Variants in SLIT3 observed in about 807,000 individuals in gnomAD.
The protein encoded by SLIT3 is slit guidance ligand 3.
SLIT3 carries 68 observed loss-of-function variants against 184.0 expected under a neutral mutation model. The observed-to-expected ratio is 0.37, with a 90% CI of 0.30 to 0.45. The LOEUF (loss-of-function observed/expected upper bound fraction) is 0.45. Ranked by LOEUF, SLIT3 falls within the 20% of genes least tolerant of loss-of-function variation. SLIT3 has a pLI of 1.00. For missense variants in SLIT3, 1,707 were observed against 2,026.0 expected (o/e 0.84, Z 3.02); for synonymous variants, 831 against 828.6 (o/e 1.00, Z -0.05).
chr5:169,291,918 C>T (rs1286654255), intron 1 of SLIT3, among the ~76,000 whole-genome samples: 1 of 152,184 alleles, frequency 6.6e-6, no homozygotes, highest in African/African-American at 2.4e-5. Flanking sequence ...ACAGTCCTGC[C>T]TACTTCACAT....
intron 4 of SLIT3, among the ~76,000 whole-genome samples, chr5:168,960,619 T>C (rs1400281031): frequency 6.6e-6 from 1 of 152,202 alleles, no homozygotes; most frequent in Non-Finnish European, 1.5e-5. Flanking sequence ...TTCTTATTAG[T>C]GTGAGTCCAA....
intron 29 of SLIT3, among the ~76,000 whole-genome samples, chr5:168,687,583 T>G (rs1271010450): frequency 6.6e-6 from 1 of 152,216 alleles, no homozygotes; most frequent in Non-Finnish European, 1.5e-5. Flanking sequence ...CGAGTGATAA[T>G]ACTTAGTTTA....
At chr5:168,813,231 C>T (rs1757221901) in intron 8 of SLIT3, among the ~76,000 whole-genome samples, 1 of 151,748 alleles carries the variant, frequency 6.6e-6, no homozygotes, top group Admixed American at 6.6e-5. Flanking sequence ...AGAAACCCTT[C>T]CAGATTAAGG....
chr5:168,702,675 CGATGATGATGATGAT>C (rs10596363), intron 26 of SLIT3, among the ~76,000 whole-genome samples: 20 of 149,496 alleles, frequency 1.3e-4, no homozygotes, highest in African/African-American at 4.2e-4. Flanking sequence ...TAAATAATAG[CGATGATGATGATGAT>C]GATGATGATG....
chr5:168,838,417 C>A (rs1006194814), intron 6 of SLIT3, among the ~76,000 whole-genome samples: 10 of 152,106 alleles, frequency 6.6e-5, no homozygotes, highest in Non-Finnish European at 1.3e-4. Flanking sequence ...GAAGTAGACT[C>A]TCAAAAATAG....
intron 4 of SLIT3, among the ~76,000 whole-genome samples, chr5:169,052,312 G>T (rs999168849): frequency 6.6e-6 from 1 of 152,192 alleles, no homozygotes; most frequent in Non-Finnish European, 1.5e-5. Flanking sequence ...AGGACGGCCT[G>T]TGAAAGTACT....
At chr5:168,801,824 G>A (rs1756776098) in intron 9 of SLIT3, among the ~76,000 whole-genome samples, 1 of 152,162 alleles carries the variant, frequency 6.6e-6, no homozygotes, top group African/African-American at 2.4e-5. Context: ...TGGGTTCTCT[G>A]GAAGAAAACT....
intron 4 of SLIT3, among the ~76,000 whole-genome samples, chr5:168,927,739 C>T (rs910330135): frequency 2.0e-5 from 3 of 152,226 alleles, no homozygotes; most frequent in African/African-American, 7.2e-5. Context: ...TGTAGCTTGT[C>T]AAAACTCACA....
At chr5:169,168,094 C>T (rs774774442) in intron 4 of SLIT3, among the ~76,000 whole-genome samples, 8 of 152,270 alleles carry the variant, frequency 5.3e-5, no homozygotes, top group African/African-American at 9.6e-5. Context: ...GAGCTCCTCC[C>T]CATCTCTTCA....
chr5:168,838,796 G>A (rs1331491618), intron 6 of SLIT3, among the ~76,000 whole-genome samples: 6 of 152,180 alleles, frequency 3.9e-5, no homozygotes, highest in South Asian at 4.2e-4. Context: ...GTGGGGTTCC[G>A]CATCAGGCCA....
intron 4 of SLIT3, among the ~76,000 whole-genome samples, chr5:169,031,861 T>C (rs1397583703): frequency 1.3e-5 from 2 of 152,154 alleles, no homozygotes; most frequent in Non-Finnish European, 2.9e-5. Flanking sequence ...TGGGAGGAGA[T>C]GATTAGGTGG....
intron 3 of SLIT3, among the ~76,000 whole-genome samples, chr5:169,206,369 T>A (rs1215486877): frequency 6.6e-6 from 1 of 152,200 alleles, no homozygotes; most frequent in African/African-American, 2.4e-5. Flanking sequence ...CACCACAGAT[T>A]CTCCATGTTC....
At chr5:169,231,757 C>G (rs1765011309) in intron 3 of SLIT3, among the ~76,000 whole-genome samples, 1 of 152,106 alleles carries the variant, frequency 6.6e-6, no homozygotes, top group Non-Finnish European at 1.5e-5. Flanking sequence ...TGCCCATATT[C>G]GAGAGTAACT....
chr5:169,262,605 A>G (rs1271037082), intron 1 of SLIT3, among the ~76,000 whole-genome samples: 1 of 152,186 alleles, frequency 6.6e-6, no homozygotes, highest in Non-Finnish European at 1.5e-5. Context: ...GAAACCACCA[A>G]TTTAAGAGCC....
At chr5:168,759,808 C>G (rs1755078008) in intron 16 of SLIT3, among the ~76,000 whole-genome samples, 1 of 152,168 alleles carries the variant, frequency 6.6e-6, no homozygotes, top group Admixed American at 6.5e-5. Flanking sequence ...ATCCATGAAT[C>G]ATGAGGATGG....
intron 1 of SLIT3, among the ~76,000 whole-genome samples, chr5:169,281,328 T>C (rs1429173453): frequency 6.6e-6 from 1 of 152,018 alleles, no homozygotes; most frequent in East Asian, 1.9e-4. Context: ...AATACAAAAT[T>C]AGCTGGGCGT....
chr5:168,789,639 C>T lies in SLIT3; in HGVS notation c.1008-8G>A, dbSNP rs763815305. On this transcript the variant is annotated splice_polypyrimidine_tract_variant and splice_region_variant and intron_variant, in intron 10 of 35. Coordinates refer to ENST00000519560, the MANE Select transcript of SLIT3 (RefSeq NM_003062.4). ...TGATTCTTGCTGATGTCTCTGAAAA[C>T]GTTAACGGTAAAGTCTGAGAACATG... The T allele has an allele frequency of 7.4e-6, 12 of 1,611,550 alleles. No individual in the cohort carries two copies. Among genetic ancestry groups the T allele is most frequent in the African/African-American group, 1.3e-5 (1 of 74,966 alleles).
chr5:169,067,918 G>A (rs1439725135), intron 4 of SLIT3, among the ~76,000 whole-genome samples: 11 of 152,202 alleles, frequency 7.2e-5, no homozygotes, highest in Admixed American at 7.2e-4. Flanking sequence ...GCACACTTGA[G>A]GAAAATTATT....
rs192622397 is a variant in SLIT3, at chr5:169,259,832, T to C, written c.198-8373A>G. 1.5e-4 allele frequency among the ~76,000 whole-genome samples: 22 copies of C among 150,224 alleles called. No individual in the cohort carries two copies. The East Asian group carries it at 4.4e-3, about 30-fold the overall frequency. The stretch of plus-strand genomic sequence containing the variant: ...TTTTAGAAAATGAAATATAGCTTGG[T>C]CCTTGTTTTCAAGGAGCCTGGAGTC... On this transcript the variant is annotated intron_variant, in intron 1 of 35. Coordinates refer to ENST00000519560, the MANE Select transcript of SLIT3 (RefSeq NM_003062.4).
Sources: gnomAD v4.1 joint callset for allele counts (sites outside exome capture counted in the v4.1 genomes callset) on GRCh38, gnomAD v4.1.1 for gene constraint, MANE v1.5 for transcripts, NCBI Gene and HGNC (gene_info 2026-07-23, HGNC 2026-07-21) for gene names.